Variants in HERC2 observed in about 807,000 individuals in gnomAD.
The protein encoded by HERC2 is E3 ubiquitin-protein ligase HERC2.
A neutral mutation model predicts 537.7 loss-of-function variants in HERC2; 102 were observed. The observed-to-expected ratio is 0.19, with a 90% CI of 0.16 to 0.22. The LOEUF (loss-of-function observed/expected upper bound fraction) is 0.22. Among genes scored for constraint, HERC2 ranks in the 10% least tolerant of loss-of-function variants. The pLI, the probability that HERC2 is intolerant of heterozygous loss-of-function variation, is 1.00. For missense variants in HERC2, 4,236 were observed against 6,198.2 expected, an observed-to-expected ratio of 0.68 and a Z score of 10.63; for synonymous variants, 2,224 against 2,466.2, an observed-to-expected ratio of 0.90 and a Z score of 2.91.
At chr15:28,192,625 G>A (rs937257287) in intron 52 of HERC2, among the ~76,000 whole-genome samples, 6 of 152,180 alleles carry the variant, frequency 3.9e-5, no homozygotes, top group African/African-American at 9.7e-5. Context: ...CGAACTATCA[G>A]AATTCAGGAG....
intron 75 of HERC2, 146 bp from the exon 76 acceptor site, chr15:28,142,539 C>A (rs1453415857): frequency 3.4e-6 from 3 of 886,024 alleles, no homozygotes; most frequent in Non-Finnish European, 5.2e-6. Context: ...AGTGATGTGG[C>A]GACCTCTGAC....
Position 28,166,695 on chromosome 15 carries a change from TC to T in HERC2, c.10554+991del, listed in dbSNP as rs1894171327. Among the ~76,000 whole-genome samples, 3 of 151,556 alleles carry T rather than the reference TC, an allele frequency of 2.0e-5. No individual in the cohort carries two copies. The South Asian group carries it at 6.2e-4, about 31-fold the overall frequency. On this transcript the variant is annotated intron_variant, in intron 68 of 92. Coordinates refer to ENST00000261609, the MANE Select transcript of HERC2 (RefSeq NM_004667.6). ...AGACAATGGAACCAGTCCACAGGGA[TC>T]CCAATGACCAGTCCACGGGAGTCCC...
In HERC2 at chr15:28,113,728, T is replaced by A. The variant is rs1887910553; in HGVS notation, c.13914-50A>T. 6.8e-7 allele frequency: 1 copy of A among 1,467,474 alleles called. No homozygotes were observed. Among genetic ancestry groups the A allele is most frequent in the African/African-American group, 1.4e-5 (1 of 72,068 alleles). The allele number at this position is 1,467,474 out of a possible 1,614,324, so 90.9% of individuals were successfully genotyped here. On this transcript the variant is annotated intron_variant, in intron 90 of 92. Coordinates refer to ENST00000261609, the MANE Select transcript of HERC2 (RefSeq NM_004667.6). This position sits in a 1 kb window ranked among gnomAD's most constrained non-coding sequence, Gnocchi z 7.0. ...CTTCTGTCTTCAGTGACACTGACTT[T>A]ATGCTGCTCACACCAAGCCTTGGCA...
chr15:28,274,901 G>T lies in HERC2; in HGVS notation c.643+4C>A. The stretch of plus-strand genomic sequence containing the variant: ...AGAACAACGCGCCACACCAGGGACC[G>T]TACCTGATCGCCAGGCCCTGCGCAG... On this transcript the variant is annotated splice_donor_region_variant and intron_variant, in intron 6 of 92. Coordinates refer to ENST00000261609, the MANE Select transcript of HERC2 (RefSeq NM_004667.6). The T allele has an allele frequency of 6.2e-7, 1 of 1,608,190 alleles. No homozygotes were observed.
In HERC2 at chr15:28,113,015, C is replaced by G; in HGVS notation, c.14232+56G>C. The stretch of plus-strand genomic sequence containing the variant: ...TGCAGGACTGTGGGTGAGGAGCCAG[C>G]CACCCACCGTCGGCCGACATCAGCC... On this transcript the variant is annotated intron_variant, in intron 92 of 92. Coordinates refer to ENST00000261609, the MANE Select transcript of HERC2 (RefSeq NM_004667.6). The surrounding 1 kb of genome is among the most constrained non-coding windows in gnomAD (Gnocchi z 7.0). 3 of 1,435,730 alleles carry G rather than the reference C, an allele frequency of 2.1e-6. No individual in the cohort carries two copies. The highest frequency in any genetic ancestry group is 2.9e-6 in the Non-Finnish European group (3 of 1,034,422). 88.9% of individuals were successfully genotyped at this position (1,435,730 alleles called of 1,614,324 possible). A position where few individuals can be genotyped will look rare whatever the true frequency, so the allele number is the denominator to read the frequency against.
Position 28,141,625 on chromosome 15 carries a change from G to A in HERC2, c.11822C>T (p.Pro3941Leu). ...ACCAGCAGAGAGAGTCCAGTCATCT[G>A]GTCGCCTACAATACACATCAAGTGA... ...EQLVQWMNRR[P>L]DDWTLSAGGS... Residue 3941 changes from proline to leucine, a missense_variant, in exon 78 of 93, where the codon CCA becomes CTA. This residue lies in a region of HERC2 where 156 missense variants were observed against 172.3 expected (regional missense o/e 0.91). Coordinates refer to ENST00000261609, the MANE Select transcript of HERC2 (RefSeq NM_004667.6). The A allele has an allele frequency of 1.2e-6, 2 of 1,614,136 alleles. No individual in the cohort carries two copies. Among genetic ancestry groups the A allele is most frequent in the African/African-American group, 1.3e-5 (1 of 75,034 alleles).
rs766673676 is a variant in HERC2, at chr15:28,146,193, A to G, written c.11008+44T>C. The G allele has an allele frequency of 8.5e-6, 11 of 1,301,074 alleles. No homozygotes were observed. In the South Asian group the frequency reaches 1.3e-4, roughly 15 times the overall value. The allele number at this position is 1,301,074 out of a possible 1,614,324, so 80.6% of individuals were successfully genotyped here. A position where few individuals can be genotyped will look rare whatever the true frequency, so the allele number is the denominator to read the frequency against. Reference sequence around the variant, plus strand: ...AATGTGAAGGGTTGTGTCTACGGAGACACAGGTGGGTAGATCATGCCCTGC... The same window carrying G: ...AATGTGAAGGGTTGTGTCTACGGAGGCACAGGTGGGTAGATCATGCCCTGC... On this transcript the variant is annotated intron_variant, in intron 71 of 92. Coordinates refer to ENST00000261609, the MANE Select transcript of HERC2 (RefSeq NM_004667.6).
chr15:28,256,663 C>T (rs2075271980), intron 17 of HERC2, among the ~76,000 whole-genome samples: 2 of 152,180 alleles, frequency 1.3e-5, no homozygotes, highest in East Asian at 1.9e-4. Flanking sequence ...GGTGCAATCT[C>T]GGCTCACTGC....
At chr15:28,213,023 C>T (rs1255860654) in intron 42 of HERC2, 1 of 148,790 alleles carries the variant, frequency 6.7e-6, no homozygotes, top group Non-Finnish European at 1.5e-5. Context: ...ACCAGCCCGG[C>T]CAACATAGTG....
Position 28,111,634 on chromosome 15 carries a change from C to T in HERC2, c.*129G>A. 1 of 955,374 alleles carries T rather than the reference C, an allele frequency of 1.0e-6. No individual in the cohort carries two copies. The highest frequency in any genetic ancestry group is 1.6e-6 in the Non-Finnish European group (1 of 639,914). 59.2% of individuals were successfully genotyped at this position (955,374 alleles called of 1,614,324 possible). ...CCATCACGGCCAGTCAGTCTCTCCACTCCCTCCTCCCGCCTGGCTCGAGGA... is the reference window on the plus strand; with the variant it reads ...CCATCACGGCCAGTCAGTCTCTCCATTCCCTCCTCCCGCCTGGCTCGAGGA... On this transcript the variant is annotated 3_prime_UTR_variant, in exon 93 of 93. Transcript: ENST00000261609.
At chr15:28,212,223 G>A (rs1429691785) in intron 43 of HERC2, among the ~76,000 whole-genome samples, 1 of 152,178 alleles carries the variant, frequency 6.6e-6, no homozygotes, top group Non-Finnish European at 1.5e-5. Flanking sequence ...GTGAGCCATG[G>A]GGTTCTTCAA....
Position 28,268,503 on chromosome 15 carries a change from G to A in HERC2, c.1560C>T (p.Gly520=). ...GGCCCAGCCGTCCGCCGTCCCCACA[G>A]CCCCAGGAGTACACCTCTCCAGTAG... ...LAATGEVYSW[G]CGDGGRLGHG... is the part of the protein sequence containing the mutation. Residue 520 remains glycine (G), a synonymous_variant, in exon 12 of 93, where the codon GGC becomes GGT. Coordinates refer to ENST00000261609, the MANE Select transcript of HERC2 (RefSeq NM_004667.6). The surrounding 1 kb of genome is among the most constrained non-coding windows in gnomAD (Gnocchi z 4.7). 6.2e-7 allele frequency: 1 copy of A among 1,614,098 alleles called. No individual in the cohort carries two copies. The highest frequency in any genetic ancestry group is 8.5e-7 in the Non-Finnish European group (1 of 1,179,966).
intron 14 of HERC2, among the ~76,000 whole-genome samples, chr15:28,264,751 T>C (rs2075515659): frequency 6.6e-6 from 1 of 152,156 alleles, no homozygotes; most frequent in Non-Finnish European, 1.5e-5. Flanking sequence ...CCGGGAAATA[T>C]TTTAAGGTCT....
At chr15:28,280,383 C>G in intron 4 of HERC2, 96 bp from the exon 5 acceptor site, 2 of 984,034 alleles carry the variant, frequency 2.0e-6, no homozygotes, top group Non-Finnish European at 3.0e-6. Flanking sequence ...AGGTAGTACT[C>G]GAAGGCATGA....
chr15:28,270,907 G>GA lies in HERC2; in HGVS notation c.1084-40dup, dbSNP rs746296524. The stretch of plus-strand genomic sequence containing the variant: ...GTAAACAAAAATTCAGAAATGGTGG[G>GA]AAAAATTAAAGTTAACACAATTAAC... On this transcript the variant is annotated intron_variant, in intron 9 of 92. Coordinates refer to ENST00000261609, the MANE Select transcript of HERC2 (RefSeq NM_004667.6). 1.9e-6 allele frequency: 3 copies of GA among 1,579,926 alleles called. No homozygotes were observed. The East Asian group carries it at 6.8e-5, about 36-fold the overall frequency.
chr15:28,272,864 C>T, intron 8 of HERC2, 30 bp downstream of exon 8: 1 of 1,504,700 alleles, frequency 6.6e-7, no homozygotes, highest in Non-Finnish European at 9.2e-7. Flanking sequence ...GGCGCTTCCC[C>T]AAAGCGTTCC....
chr15:28,116,751 C>G lies in HERC2; in HGVS notation c.13523G>C (p.Arg4508Thr). ...GTCTCGGTTGGCCCCAGACTCATCC[C>G]TCCCGTTGGGTGTCACGATCAGCAG... Reference protein sequence around the residue: ...TPLLIVTPNGRDESGANRDCY... With the variant: ...TPLLIVTPNGTDESGANRDCY... The change falls in exon 88 of 93, where the codon AGG becomes ACG. Residue 4508 changes from arginine to threonine, a missense_variant. This residue lies in a region of HERC2 where 313 missense variants were observed against 462.6 expected (regional missense o/e 0.68). Coordinates refer to ENST00000261609, the MANE Select transcript of HERC2 (RefSeq NM_004667.6). 6.2e-7 allele frequency: 1 copy of G among 1,614,066 alleles called. No individual in the cohort carries two copies. Among genetic ancestry groups the G allele is most frequent in the Non-Finnish European group, 8.5e-7 (1 of 1,180,036 alleles).
chr15:28,171,382 C>T (rs1324021689), intron 65 of HERC2, among the ~76,000 whole-genome samples: 1 of 152,102 alleles, frequency 6.6e-6, no homozygotes, highest in African/African-American at 2.4e-5. Context: ...AAGAGCTATA[C>T]GTTAAGAAGA....
intron 15 of HERC2, 76 bp downstream of exon 15, chr15:28,262,842 C>T: frequency 1.4e-6 from 2 of 1,449,046 alleles, no homozygotes; most frequent in Non-Finnish European, 1.9e-6. Context: ...AGGTTAAGAA[C>T]ATAAAACCTG....
Sources: allele counts gnomAD v4.1 joint callset (sites outside exome capture counted in the v4.1 genomes callset), GRCh38; gene constraint gnomAD v4.1.1; regional missense constraint gnomAD v4.1.1; non-coding constraint Gnocchi (gnomAD v3.1); transcripts MANE v1.5; gene names NCBI Gene and HGNC (gene_info 2026-07-23, HGNC 2026-07-21).